The following FMO1 variants were observed in gnomAD, a reference collection of about 807,000 sequenced individuals.
The protein encoded by FMO1 is flavin-containing monooxygenase 1.
FMO1 carries 36 observed loss-of-function variants against 45.4 expected under a neutral mutation model. The ratio of observed to expected loss-of-function variants is 0.79; its 90% CI spans 0.61 to 1.05. The LOEUF (loss-of-function observed/expected upper bound fraction) is 1.05. Among genes scored for constraint, FMO1 ranks in the 50% least tolerant of loss-of-function variants. The pLI is 0.00. For missense variants in FMO1, 615 were observed against 640.3 expected, an observed-to-expected ratio of 0.96 and a Z score of 0.43; for synonymous variants, 228 against 227.2, an observed-to-expected ratio of 1.00 and a Z score of -0.03.
At chr1:171,263,181 T>C (rs1339422249) in intron 2 of FMO1, among the ~76,000 whole-genome samples, 1 of 152,168 alleles carries the variant, frequency 6.6e-6, no homozygotes, top group Non-Finnish European at 1.5e-5. Flanking sequence ...ATACAAATAA[T>C]GATTAATATT....
chr1:171,283,283 A>AAAAAAAAAAAAAAAAAAC, intron 8 of FMO1, 67 bp downstream of exon 8: 1 of 627,436 alleles, frequency 1.6e-6, no homozygotes, highest in Non-Finnish European at 2.5e-6. Flanking sequence ...AAAAAAAAAA[A>AAAAAAAAAAAAAAAAAAC]AAAAAAAAAA....
intron 3 of FMO1, among the ~76,000 whole-genome samples, chr1:171,268,551 C>T (rs1660715701): frequency 6.6e-6 from 1 of 152,324 alleles, no homozygotes. Context: ...ATTTCAGAGG[C>T]TGGAGACAGG....
chr1:171,256,646 AC>A (rs1486792350), intron 1 of FMO1, among the ~76,000 whole-genome samples: 1 of 151,948 alleles, frequency 6.6e-6, no homozygotes, highest in African/African-American at 2.4e-5. Flanking sequence ...AAAAAAGAGG[AC>A]CTTTTTATTT....
intron 2 of FMO1, among the ~76,000 whole-genome samples, chr1:171,263,498 CAA>C (rs1274407186): frequency 6.6e-6 from 1 of 152,158 alleles, no homozygotes; most frequent in Non-Finnish European, 1.5e-5. Flanking sequence ...GGCTGCGTCT[CAA>C]AGAGTCCCAG....
intron 2 of FMO1, among the ~76,000 whole-genome samples, chr1:171,265,991 T>C (rs1660604016): frequency 6.6e-6 from 1 of 152,176 alleles, no homozygotes; most frequent in Admixed American, 6.5e-5. Context: ...AGTGCTACAT[T>C]TTTTTAATGT....
chr1:171,280,653 CT>C lies in FMO1; in HGVS notation c.628-131del. ...TAGAAGTTAGAAGAACCAAGACTAT[CT>C]TGTCAGGGGTGTATTTTGAGAGTGG... On this transcript the variant is annotated intron_variant, in intron 5 of 8. Coordinates refer to ENST00000617670, the MANE Select transcript of FMO1 (RefSeq NM_001282693.2). The C allele has an allele frequency of 8.9e-6, 6 of 672,300 alleles. No homozygotes were observed. The South Asian group carries it at 1.1e-4, about 12-fold the overall frequency. 41.6% of individuals were successfully genotyped at this position (672,300 alleles called of 1,614,324 possible).
rs2101851328 is a variant in FMO1 at position 171,285,231 on chromosome 1, A to G, written c.1286A>G (p.Gln429Arg). ...GGCTTGTGCTACTGCAAGGCTTTAC[A>G]ATCAGATTATATCACATACATAGAT... ...WFGLCYCKAL[Q>R]SDYITYIDEL... Residue 429 changes from glutamine to arginine, a missense_variant, in exon 9 of 9, where the codon CAA becomes CGA. By Grantham distance (43) the Gln-to-Arg change is conservative. Transcript: ENST00000617670. The G allele has an allele frequency of 6.2e-7, 1 of 1,610,058 alleles. No individual in the cohort carries two copies. The highest frequency in any genetic ancestry group is 8.5e-7 in the Non-Finnish European group (1 of 1,178,250).
intron 2 of FMO1, among the ~76,000 whole-genome samples, chr1:171,261,660 G>C (rs771123574): frequency 9.2e-5 from 14 of 152,022 alleles, no homozygotes; most frequent in Non-Finnish European, 2.1e-4. Flanking sequence ...GAGGCAGGAG[G>C]ATAGCTTGAG....
Position 171,277,418 on chromosome 1 carries a change from C to A in FMO1, c.485-1311C>A, listed in dbSNP as rs563766837. 2.6e-3 allele frequency among the ~76,000 whole-genome samples: 391 copies of A among 152,158 alleles called. 2 individuals carry two copies. Among genetic ancestry groups the A allele is most frequent in the African/African-American group, 8.4e-3 (351 of 41,540 alleles). On this transcript the variant is annotated intron_variant, in intron 4 of 8. Transcript: ENST00000617670. ...TCACATATATACATTCTGCTATTTA[C>A]CTTTTTTCTTTTTTATATTATAAAT...
intron 5 of FMO1, among the ~76,000 whole-genome samples, chr1:171,280,079 A>C (rs550962476): frequency 6.6e-6 from 1 of 152,310 alleles, no homozygotes; most frequent in South Asian, 2.1e-4. Flanking sequence ...ACCTTTCATC[A>C]TATATAGTTT....
chr1:171,285,140 C>CT (rs1247477668), intron 8 of FMO1, 62 bp from the exon 9 acceptor site: 2 of 1,146,602 alleles, frequency 1.7e-6, no homozygotes, highest in Non-Finnish European at 2.5e-6. Context: ...GGCACTTGTA[C>CT]TTGTTCTAAG....
chr1:171,281,249 C>G (rs1661348818), intron 6 of FMO1, among the ~76,000 whole-genome samples: 1 of 152,136 alleles, frequency 6.6e-6, no homozygotes, highest in South Asian at 2.1e-4. Context: ...CAGCCATTTA[C>G]CCAAGCTCAC....
chr1:171,272,092 G>A (rs2101825066), intron 3 of FMO1, among the ~76,000 whole-genome samples: 1 of 152,376 alleles, frequency 6.6e-6, no homozygotes, highest in South Asian at 2.1e-4. Context: ...CATGCTGTGT[G>A]CAGCCAAGGG....
At chr1:171,281,467 C>CA (rs1661356389) in intron 6 of FMO1, among the ~76,000 whole-genome samples, 1 of 152,086 alleles carries the variant, frequency 6.6e-6, no homozygotes, top group African/African-American at 2.4e-5. Context: ...GACCTTGGCC[C>CA]AAAAAATGGC....
At chr1:171,250,185 G>C (rs74509209) in intron 1 of FMO1, among the ~76,000 whole-genome samples, 14 of 152,244 alleles carry the variant, frequency 9.2e-5, no homozygotes, top group African/African-American at 3.4e-4. Flanking sequence ...TTATGTGCCT[G>C]CTGAGCACTG....
chr1:171,251,217 T>C (rs1357186073), intron 1 of FMO1, among the ~76,000 whole-genome samples: 1 of 152,172 alleles, frequency 6.6e-6, no homozygotes, highest in African/African-American at 2.4e-5. Flanking sequence ...TTCTGTTAAT[T>C]AATCTTACCG....
intron 3 of FMO1, among the ~76,000 whole-genome samples, chr1:171,269,116 G>A (rs1331650554): frequency 6.6e-6 from 1 of 152,136 alleles, no homozygotes; most frequent in Non-Finnish European, 1.5e-5. Context: ...TCTTTCCTTT[G>A]TAAATTGCCA....
chr1:171,268,035 A>G (rs1222851717), intron 3 of FMO1, among the ~76,000 whole-genome samples: 1 of 152,202 alleles, frequency 6.6e-6, no homozygotes, highest in African/African-American at 2.4e-5. Context: ...GCCTGCCCAC[A>G]TGGACACTGA....
Position 171,275,423 on chromosome 1 carries a change from G to A in FMO1, c.399G>A (p.Glu133=). Residue 133 remains glutamate (E), a synonymous_variant, in exon 4 of 9, where the codon GAG becomes GAA. Transcript: ENST00000617670. ...GQWEVVTMHE[E]KQESAIFDAV... ...GGGAGGTGGTCACTATGCATGAAGA[G>A]AAGCAAGAGTCAGCCATCTTTGATG... The A allele has an allele frequency of 6.2e-7, 1 of 1,613,812 alleles. No individual in the cohort carries two copies. The highest frequency in any genetic ancestry group is 8.5e-7 in the Non-Finnish European group (1 of 1,179,722).
Sources: allele counts gnomAD v4.1 joint callset (sites outside exome capture counted in the v4.1 genomes callset), GRCh38; gene constraint gnomAD v4.1.1; transcripts MANE v1.5; gene names NCBI Gene and HGNC (gene_info 2026-07-23, HGNC 2026-07-21).